The following OTUD7A variants were observed in gnomAD, a reference collection of about 807,000 sequenced individuals.
The protein encoded by OTUD7A is OTU domain-containing protein 7A.
A neutral mutation model predicts 65.7 loss-of-function variants in OTUD7A; 12 were observed. The ratio of observed to expected loss-of-function variants is 0.18; its 90% CI spans 0.12 to 0.30. The LOEUF is 0.30. OTUD7A is among the 10% of genes least tolerant of loss of function. The pLI, the probability that OTUD7A is intolerant of heterozygous loss-of-function variation, is 1.00. For missense variants in OTUD7A, 1,148 were observed against 1,304.8 expected, an observed-to-expected ratio of 0.88 and a Z score of 1.85; for synonymous variants, 641 against 586.3, an observed-to-expected ratio of 1.09 and a Z score of -1.35.
At position 31,484,293 on chromosome 15, in the gene OTUD7A, C is replaced by G. The variant is rs770277016; in HGVS notation, c.1803G>C (p.Lys601Asn). 3.8e-6 allele frequency: 6 copies of G among 1,595,798 alleles called. No homozygotes were observed. The East Asian group carries it at 1.3e-4, about 36-fold the overall frequency. ...SEKTTPSPTD[K>N]AAGASPAEKG... ...TCTCCGCCGGCGACGCGCCCGCTGCCTTGTCTGTGGGCGACGGCGTGGTCT... is the reference window on the plus strand; with the variant it reads ...TCTCCGCCGGCGACGCGCCCGCTGCGTTGTCTGTGGGCGACGGCGTGGTCT... The change falls in exon 13 of 13, where the codon AAG becomes AAC. Residue 601 changes from lysine (K) to asparagine (N), a missense_variant. By Grantham distance (94) the Lys-to-Asn change is moderately conservative. Around this residue, in one of 6 missense-constraint regions of OTUD7A, gnomAD observed 842 missense variants for 769.5 expected, o/e 1.09. Transcript: ENST00000307050. The surrounding 1 kb of genome is among the most constrained non-coding windows in gnomAD (Gnocchi z 4.5).
intron 4 of OTUD7A, among the ~76,000 whole-genome samples, chr15:31,562,386 T>G (rs1888719366): frequency 2.0e-5 from 3 of 152,208 alleles, no homozygotes; most frequent in Admixed American, 2.0e-4. Flanking sequence ...AGACAGGCCC[T>G]GGTACCTGGT....
chr15:31,629,985 CTTCT>C (rs1213679102), intron 3 of OTUD7A, among the ~76,000 whole-genome samples: 1 of 151,272 alleles, frequency 6.6e-6, no homozygotes. Flanking sequence ...TTCTCTCTTT[CTTCT>C]TTATTAGTCT....
At chr15:31,855,014 ACTTTAT>A (rs1487281789) in intron 1 of OTUD7A, among the ~76,000 whole-genome samples, 1 of 152,226 alleles carries the variant, frequency 6.6e-6, no homozygotes. Flanking sequence ...TGAAATATCA[ACTTTAT>A]CAAAGAGATG....
chr15:31,717,740 C>G (rs1002252451), intron 1 of OTUD7A, among the ~76,000 whole-genome samples: 2 of 152,118 alleles, frequency 1.3e-5, no homozygotes, highest in Non-Finnish European at 2.9e-5. Context: ...ATTTATATAC[C>G]TTTGGGTATA....
chr15:31,548,552 G>T (rs1320315521), intron 5 of OTUD7A, among the ~76,000 whole-genome samples: 1 of 152,038 alleles, frequency 6.6e-6, no homozygotes. Flanking sequence ...AAACCCTTCG[G>T]CTTCCCCAAG....
chr15:31,652,842 A>G (rs539462567), intron 3 of OTUD7A, among the ~76,000 whole-genome samples: 1 of 152,366 alleles, frequency 6.6e-6, no homozygotes, highest in East Asian at 1.9e-4. Context: ...AGTGTTGACA[A>G]GGATGTGGGG....
At chr15:31,526,124 G>A (rs556143602) in intron 8 of OTUD7A, among the ~76,000 whole-genome samples, 12 of 152,220 alleles carry the variant, frequency 7.9e-5, no homozygotes, top group African/African-American at 2.4e-4. Context: ...CATAGTGCAT[G>A]TGGGGGCTGC....
Position 31,477,015 on chromosome 15 carries a change from C to T in OTUD7A, c.*6279G>A, listed in dbSNP as rs2041032443. 6.6e-6 allele frequency: 1 copy of T among 152,372 alleles called. No individual in the cohort carries two copies. The highest frequency in any genetic ancestry group is 2.1e-4 in the South Asian group (1 of 4,840). The allele number at this position is 152,372 out of a possible 1,614,324, so 9.4% of individuals were successfully genotyped here. On this transcript the variant is annotated 3_prime_UTR_variant, in exon 13 of 13. Coordinates refer to ENST00000307050, the MANE Select transcript of OTUD7A (RefSeq NM_001382637.1). ...CCTGGGCCCAAGGAGGTGTGTGTTG[C>T]TTGGCTCTGTGGTGTCAAGGCCCTG...
intron 1 of OTUD7A, among the ~76,000 whole-genome samples, chr15:31,844,348 T>C (rs981161869): frequency 6.6e-6 from 1 of 152,100 alleles, no homozygotes; most frequent in African/African-American, 2.4e-5. Context: ...CTACTAAAAA[T>C]ACAAAAATTA....
chr15:31,577,960 C>A (rs1474479932), intron 3 of OTUD7A, among the ~76,000 whole-genome samples: 1 of 152,114 alleles, frequency 6.6e-6, no homozygotes, highest in Non-Finnish European at 1.5e-5. Flanking sequence ...AAGGAAGGAG[C>A]ACTCTGAGAC....
Position 31,484,525 on chromosome 15 carries a change from A to G in OTUD7A, c.1571T>C (p.Leu524Pro). ...GCCCAGCGTCTTGCTGAAGCTGCCC[A>G]GCTTGTTGGCCACGGAGTCGGCGCG... ...KTRADSVANKLGSFSKTLGIK... is the reference protein window; with the variant it reads ...KTRADSVANKPGSFSKTLGIK... Residue 524 changes from leucine (L) to proline (P), a missense_variant, in exon 13 of 13, where the codon CTG becomes CCG. This residue lies in a region of OTUD7A where 842 missense variants were observed against 769.5 expected (regional missense o/e 1.09). Coordinates refer to ENST00000307050, the MANE Select transcript of OTUD7A (RefSeq NM_001382637.1). The surrounding 1 kb of genome is among the most constrained non-coding windows in gnomAD (Gnocchi z 4.5). The G allele has an allele frequency of 6.2e-7, 1 of 1,610,696 alleles. No homozygotes were observed. The highest frequency in any genetic ancestry group is 8.5e-7 in the Non-Finnish European group (1 of 1,179,962).
At chr15:31,837,491 G>C (rs1897084382) in intron 1 of OTUD7A, among the ~76,000 whole-genome samples, 1 of 152,032 alleles carries the variant, frequency 6.6e-6, no homozygotes, top group Non-Finnish European at 1.5e-5. Flanking sequence ...GGTTGCAGTG[G>C]GGCAAGATTG....
intron 3 of OTUD7A, among the ~76,000 whole-genome samples, chr15:31,636,862 A>G (rs1049708628): frequency 2.0e-5 from 3 of 152,046 alleles, no homozygotes; most frequent in African/African-American, 7.3e-5. Flanking sequence ...GCAAGACCCT[A>G]ACTCTCTTCA....
chr15:31,641,124 C>A (rs7177069), intron 3 of OTUD7A, among the ~76,000 whole-genome samples: 1 of 151,908 alleles, frequency 6.6e-6, no homozygotes, highest in South Asian at 2.1e-4. Flanking sequence ...TTTCCCCCAT[C>A]CTGTTCTTGT....
At chr15:31,766,632 A>T in intron 1 of OTUD7A, 2 of 1,605,280 alleles carry the variant, frequency 1.2e-6, no homozygotes, top group East Asian at 2.2e-5. Flanking sequence ...TTCTTGTACT[A>T]CTTGTTAAAA....
chr15:31,523,902 G>A (rs2041972514), intron 8 of OTUD7A, among the ~76,000 whole-genome samples: 3 of 152,306 alleles, frequency 2.0e-5, no homozygotes, highest in Admixed American at 6.5e-5. Context: ...CCCTGTTGGC[G>A]AGTCCTGCAC....
chr15:31,541,665 T>C (rs1245829685), intron 5 of OTUD7A, among the ~76,000 whole-genome samples: 1 of 152,142 alleles, frequency 6.6e-6, no homozygotes, highest in Non-Finnish European at 1.5e-5. Context: ...CGGAAATAAA[T>C]ATGGGATGGA....
At chr15:31,532,328 C>T (rs1234779734) in intron 5 of OTUD7A, among the ~76,000 whole-genome samples, 1 of 151,826 alleles carries the variant, frequency 6.6e-6, no homozygotes, top group African/African-American at 2.4e-5. Context: ...GAAAGTCTTA[C>T]CAAAACAATA....
chr15:31,557,377 G>A (rs1888531162), intron 5 of OTUD7A: 1 of 152,288 alleles, frequency 6.6e-6, no homozygotes, highest in Admixed American at 6.5e-5. Flanking sequence ...CAGATCTACC[G>A]TCTATCCTTC....
Sources: gnomAD v4.1 joint callset for allele counts (sites outside exome capture counted in the v4.1 genomes callset) on GRCh38, gnomAD v4.1.1 for gene constraint, gnomAD v4.1.1 regional missense constraint, Gnocchi (gnomAD v3.1) non-coding constraint, MANE v1.5 for transcripts, NCBI Gene and HGNC (gene_info 2026-07-23, HGNC 2026-07-21) for gene names.